The following AHI1 variants were observed in gnomAD, a reference collection of about 807,000 sequenced individuals.
AHI1 encodes the protein Abelson helper integration site 1, also known as jouberin.
In AHI1, 123 loss-of-function variants were observed where a neutral mutation model predicts 149.3. The observed-to-expected ratio is 0.82, with a 90% CI of 0.71 to 0.96. The LOEUF is 0.96. Ranked by LOEUF, AHI1 falls within the 40% of genes least tolerant of loss-of-function variation. The probability of loss-of-function intolerance (pLI) is 0.00; values close to 1 mark genes in which losing one functional copy is unlikely to be tolerated. For synonymous variants in AHI1, 475 were observed against 459.8 expected, an observed-to-expected ratio of 1.03 and a Z score of -0.42; for missense variants, 1,439 against 1,422.7, an observed-to-expected ratio of 1.01 and a Z score of -0.18.
chr6:135,363,680 G>GA (rs1339443475), intron 23 of AHI1, among the ~76,000 whole-genome samples: 5 of 148,644 alleles, frequency 3.4e-5, no homozygotes, highest in Non-Finnish European at 7.5e-5. Context: ...GCGGGGGGCT[G>GA]ACCCCCCCAC....
intron 24 of AHI1, among the ~76,000 whole-genome samples, chr6:135,342,969 C>T (rs764915977): frequency 6.7e-6 from 1 of 150,312 alleles, no homozygotes; most frequent in African/African-American, 2.4e-5. Context: ...GCACCCGGAT[C>T]GGAAAGGAGA....
chr6:135,485,434 C>G (rs1794334100), intron 5 of AHI1, among the ~76,000 whole-genome samples: 1 of 152,078 alleles, frequency 6.6e-6, no homozygotes, highest in African/African-American at 2.4e-5. Context: ...TCTGCATTAA[C>G]TTTAGCCTAA....
Position 135,324,551 on chromosome 6 carries a change from C to CATATATATATAT in AHI1, c.3166-1239_3166-1228dup, listed in dbSNP as rs3071751. Among the ~76,000 whole-genome samples the CATATATATATAT allele has an allele frequency of 9.0e-4, 131 of 144,802 alleles. 2 individuals carry two copies. The highest frequency in any genetic ancestry group is 2.3e-3 in the African/African-American group (91 of 39,592). The allele number at this position is 144,802 out of a possible 152,430, so 95.0% of individuals were successfully genotyped here. A position where few individuals can be genotyped will look rare whatever the true frequency, so the allele number is the denominator to read the frequency against. ...AAAATTACATATATAGTTATATATACATATATATATATATATATATATTTA... is the reference window on the plus strand; with the variant it reads ...AAAATTACATATATAGTTATATATACATATATATATATATATATATATATATATATATATTTA... On this transcript the variant is annotated intron_variant, in intron 24 of 28. Coordinates refer to ENST00000265602, the MANE Select transcript of AHI1 (RefSeq NM_001134831.2).
At position 135,457,872 on chromosome 6, in the gene AHI1, A is replaced by G. The variant is rs188667040; in HGVS notation, c.932-159T>C. On this transcript the variant is annotated intron_variant, in intron 8 of 28. Transcript: ENST00000265602. The stretch of plus-strand genomic sequence containing the variant: ...CCAGACAACAGCAAACCATAGTGTG[A>G]AAGTAAAATACTACATTTGCTAATA... Among the ~76,000 whole-genome samples the G allele has an allele frequency of 2.0e-5, 3 of 152,360 alleles. No homozygotes were observed. The East Asian group carries it at 5.8e-4, about 29-fold the overall frequency.
intron 23 of AHI1, among the ~76,000 whole-genome samples, chr6:135,391,234 C>T (rs1379052513): frequency 2.6e-5 from 4 of 152,056 alleles, no homozygotes; most frequent in African/African-American, 9.7e-5. Context: ...CATATTCATT[C>T]CTTGGATAAT....
In AHI1 at chr6:135,442,590, G is replaced by A. The variant is rs371531507; in HGVS notation, c.1904C>T (p.Pro635Leu). The A allele has an allele frequency of 2.6e-5, 42 of 1,607,664 alleles. No homozygotes were observed. Among genetic ancestry groups the A allele is most frequent in the Non-Finnish European group, 3.5e-5 (41 of 1,176,754 alleles). The change falls in exon 14 of 29, where the codon CCA becomes CTA. Residue 635 changes from proline to leucine, a missense_variant. Transcript: ENST00000265602. The part of the protein sequence containing the change: ...AAACASRDGY[P>L]IILYEIPSGR... ...GTAGGATTATTACTCACAAATAATT[G>A]GATATCCATCCCGGCTGGCACAAGC...
chr6:135,393,276 GA>G (rs933868139), intron 23 of AHI1, among the ~76,000 whole-genome samples: 7 of 150,276 alleles, frequency 4.7e-5, no homozygotes, highest in East Asian at 1.9e-4. Context: ...TACAAAAAAT[GA>G]AAAAAAAATT....
intron 12 of AHI1, among the ~76,000 whole-genome samples, chr6:135,447,833 C>A (rs1460724642): frequency 1.4e-4 from 22 of 152,192 alleles, no homozygotes; most frequent in Admixed American, 1.1e-3. Context: ...GCAGCCCACA[C>A]ACCAAATCTG....
At chr6:135,486,551 ATTCTT>A (rs1794505740) in intron 5 of AHI1, among the ~76,000 whole-genome samples, 1 of 152,194 alleles carries the variant, frequency 6.6e-6, no homozygotes, top group Non-Finnish European at 1.5e-5. Context: ...GAGATAGGTT[ATTCTT>A]TTAACAAGAT....
intron 5 of AHI1, among the ~76,000 whole-genome samples, chr6:135,475,227 G>T (rs1016210460): frequency 6.6e-6 from 1 of 152,024 alleles, no homozygotes; most frequent in Non-Finnish European, 1.5e-5. Flanking sequence ...TCCTTTTAAG[G>T]TCTGTAGCAT....
chr6:135,477,615 T>C (rs1249512956), intron 5 of AHI1, among the ~76,000 whole-genome samples: 3 of 152,118 alleles, frequency 2.0e-5, no homozygotes, highest in Non-Finnish European at 2.9e-5. Context: ...ATGGAGTTCT[T>C]GCAAGATCTG....
chr6:135,366,598 C>A (rs1018141625), intron 23 of AHI1, among the ~76,000 whole-genome samples: 2 of 152,164 alleles, frequency 1.3e-5, no homozygotes, highest in Admixed American at 6.5e-5. Flanking sequence ...TAGTCTTGAA[C>A]AATCTTTTGT....
chr6:135,290,512 T>G lies in AHI1; in HGVS notation c.3499A>C (p.Lys1167Gln), dbSNP rs779701188. 1 of 1,613,882 alleles carries G rather than the reference T, an allele frequency of 6.2e-7. No homozygotes were observed. The highest frequency in any genetic ancestry group is 1.1e-5 in the South Asian group (1 of 91,080). ...SESMTHSEMR[K>Q]EQSHEDQGHI... ...CCTTGGTCCTCATGGCTCTGTTCTTTTCTCATTTCAGAACTATAGGAGGGA... is the reference window on the plus strand; with the variant it reads ...CCTTGGTCCTCATGGCTCTGTTCTTGTCTCATTTCAGAACTATAGGAGGGA... The change falls in exon 28 of 29, where the codon AAA (lysine) becomes CAA (glutamine). Residue 1167 changes from lysine to glutamine, a missense_variant. Coordinates refer to ENST00000265602, the MANE Select transcript of AHI1 (RefSeq NM_001134831.2).
At chr6:135,285,775 C>A in intron 28 of AHI1, 128 bp from the exon 29 acceptor site, 1 of 742,000 alleles carries the variant, frequency 1.3e-6, no homozygotes, top group Non-Finnish European at 2.2e-6. Context: ...CAAACACATA[C>A]AAACACAACT....
rs1181552837 is a variant in AHI1, at chr6:135,294,720, AAAAG to A, written c.3486-4199_3486-4196del. ...ATGCAAAAAAAAAAAAAAAAAAAGA[AAAAG>A]AAAAAAAAGAAAATAAACTCTGATC... On this transcript the variant is annotated intron_variant, in intron 27 of 28. Transcript: ENST00000265602. Among the ~76,000 whole-genome samples, 354 of 149,916 alleles carry A rather than the reference AAAAG, an allele frequency of 2.4e-3. 2 individuals are homozygous for A. The highest frequency in any genetic ancestry group is 8.3e-3 in the African/African-American group (338 of 40,752).
At chr6:135,427,733 T>C in intron 19 of AHI1, among the ~76,000 whole-genome samples, 1 of 143,230 alleles carries the variant, frequency 7.0e-6, no homozygotes, top group Non-Finnish European at 1.5e-5. Context: ...AACTTTTCCA[T>C]TTTTTTTTTC....
chr6:135,474,982 G>A (rs1243956156), intron 5 of AHI1, among the ~76,000 whole-genome samples: 3 of 152,152 alleles, frequency 2.0e-5, no homozygotes, highest in Admixed American at 2.0e-4. Context: ...TATAGAATTG[G>A]CATTATTCTT....
chr6:135,305,934 C>T (rs1324846691), intron 26 of AHI1, among the ~76,000 whole-genome samples: 4 of 152,180 alleles, frequency 2.6e-5, no homozygotes, highest in African/African-American at 4.8e-5. Context: ...ATCCTCCCAC[C>T]CACCCGGCTC....
At chr6:135,395,638 A>AATTAC (rs1779111903) in intron 22 of AHI1, among the ~76,000 whole-genome samples, 1 of 151,866 alleles carries the variant, frequency 6.6e-6, no homozygotes, top group African/African-American at 2.4e-5. Context: ...TTCATCTTGT[A>AATTAC]AATCAGAATT....
Sources: gnomAD v4.1 joint callset for allele counts (sites outside exome capture counted in the v4.1 genomes callset) on GRCh38, gnomAD v4.1.1 for gene constraint, MANE v1.5 for transcripts, NCBI Gene and HGNC (gene_info 2026-07-23, HGNC 2026-07-21) for gene names.